The following CCDC181 variants were observed in gnomAD, a reference collection of about 807,000 sequenced individuals.
CCDC181 encodes coiled-coil domain-containing protein 181.
A neutral mutation model predicts 58.7 loss-of-function variants in CCDC181; 35 were observed. The observed-to-expected ratio is 0.60, with a 90% CI of 0.46 to 0.79. CCDC181 has a LOEUF of 0.79. CCDC181 is among the 30% of genes least tolerant of loss of function. The pLI is 0.00. For missense variants in CCDC181, 517 were observed against 583.9 expected, an observed-to-expected ratio of 0.89 and a Z score of 1.18; for synonymous variants, 183 against 197.5, an observed-to-expected ratio of 0.93 and a Z score of 0.62.
In CCDC181 at chr1:169,421,865, A is replaced by C. The variant is rs182655659; in HGVS notation, c.566T>G (p.Leu189Ter). ...TTGTCCAAAATCATTGGAAATACAT[A>C]ATTGTGACAGTTTCCCAAACATATT... ...ERNMFGKLSQ[L>*]CISNDFGQED... Residue 189 changes from leucine (L) to a stop codon, truncating the protein, a stop_gained, in exon 3 of 6, where the codon TTA (leucine) becomes TGA (stop). Coordinates refer to ENST00000367806, the MANE Select transcript of CCDC181 (RefSeq NM_001300969.2). LOFTEE classifies it high-confidence loss of function. 5.0e-5 allele frequency: 80 copies of C among 1,613,874 alleles called. No homozygotes were observed. The highest frequency in any genetic ancestry group is 6.5e-5 in the Non-Finnish European group (77 of 1,179,924).
At chr1:169,440,799 T>G (rs147267873) in intron 2 of CCDC181, among the ~76,000 whole-genome samples, 112 of 151,816 alleles carry the variant, frequency 7.4e-4, no homozygotes, top group African/African-American at 2.6e-3. Context: ...CCAGGCATGG[T>G]GGAGCACACC....
chr1:169,450,091 T>C (rs1384096493), intron 2 of CCDC181, among the ~76,000 whole-genome samples: 2 of 152,190 alleles, frequency 1.3e-5, no homozygotes, highest in African/African-American at 4.8e-5. Flanking sequence ...TTCAATTTTT[T>C]AGTTGGCCTG....
intron 1 of CCDC181, 141 bp from the exon 2 acceptor site, chr1:169,425,091 A>T (rs191718604): frequency 2.4e-6 from 1 of 425,390 alleles, no homozygotes; most frequent in Non-Finnish European, 4.3e-6. Flanking sequence ...ACTTGAATAC[A>T]CCATGAAAGA....
chr1:169,454,123 T>G (rs1220909997), intron 2 of CCDC181, among the ~76,000 whole-genome samples: 1 of 152,078 alleles, frequency 6.6e-6, no homozygotes. Flanking sequence ...AAGGCTATTT[T>G]TGCGGTAGTC....
intron 4 of CCDC181, among the ~76,000 whole-genome samples, chr1:169,405,551 C>T (rs975936821): frequency 6.6e-5 from 10 of 152,072 alleles, no homozygotes; most frequent in Non-Finnish European, 1.2e-4. Context: ...AAACAAGAAA[C>T]GGCGGAAGGA....
At chr1:169,434,024 A>G (rs1253609676) in intron 2 of CCDC181, among the ~76,000 whole-genome samples, 1 of 152,070 alleles carries the variant, frequency 6.6e-6, no homozygotes, top group Non-Finnish European at 1.5e-5. Flanking sequence ...TTCGCAAATG[A>G]TATATCTAAT....
intron 4 of CCDC181, among the ~76,000 whole-genome samples, chr1:169,407,260 C>T (rs1655715672): frequency 1.3e-5 from 2 of 151,980 alleles, no homozygotes; most frequent in South Asian, 2.1e-4. Flanking sequence ...ATTATATACA[C>T]CAGAACAATG....
intron 2 of CCDC181, among the ~76,000 whole-genome samples, chr1:169,448,187 T>A (rs1657433655): frequency 6.6e-6 from 1 of 152,142 alleles, no homozygotes; most frequent in African/African-American, 2.4e-5. Flanking sequence ...ATGCTAGATA[T>A]TGTTTCTATT....
intron 2 of CCDC181, among the ~76,000 whole-genome samples, chr1:169,435,199 T>C (rs1472728342): frequency 6.6e-6 from 1 of 152,000 alleles, no homozygotes; most frequent in Non-Finnish European, 1.5e-5. Context: ...AACATAAATA[T>C]TATGTTATGA....
intron 4 of CCDC181, among the ~76,000 whole-genome samples, chr1:169,416,387 C>T (rs1025245110): frequency 1.3e-5 from 2 of 152,062 alleles, no homozygotes; most frequent in East Asian, 3.9e-4. Context: ...TGTTTTTTTC[C>T]GATAGGAGCC....
At chr1:169,455,259 C>A (rs1657652850) in intron 2 of CCDC181, among the ~76,000 whole-genome samples, 1 of 151,790 alleles carries the variant, frequency 6.6e-6, no homozygotes, top group African/African-American at 2.4e-5. Flanking sequence ...TCAATCAGTA[C>A]ATAGCCATTA....
At chr1:169,452,058 A>G (rs1046961985) in intron 2 of CCDC181, among the ~76,000 whole-genome samples, 1 of 152,122 alleles carries the variant, frequency 6.6e-6, no homozygotes, top group Middle Eastern at 3.2e-3. Context: ...GACATGGTTC[A>G]TAAAGCCATG....
In CCDC181 at chr1:169,421,897, G is replaced by C. The variant is rs80127542; in HGVS notation, c.534C>G (p.Asn178Lys). The change falls in exon 3 of 6, where the codon AAC (asparagine) becomes AAG (lysine). Residue 178 changes from asparagine (N) to lysine (K), a missense_variant. Asn to Lys is a moderately conservative substitution (Grantham distance 94). Transcript: ENST00000367806. ...DTTTFKNYFE[N>K]ERNMFGKLSQ... Reference sequence around the variant, plus strand: ...ACAGTTTCCCAAACATATTCCTTTCGTTTTCAAAATAATTTTTAAAAGTAG... The same window carrying C: ...ACAGTTTCCCAAACATATTCCTTTCCTTTTCAAAATAATTTTTAAAAGTAG... 125 of 1,613,658 alleles carry C rather than the reference G, an allele frequency of 7.7e-5. 2 individuals carry two copies. The Middle Eastern group carries it at 1.2e-3, about 15-fold the overall frequency.
At chr1:169,446,014 T>G (rs1657363325) in intron 2 of CCDC181, among the ~76,000 whole-genome samples, 1 of 152,178 alleles carries the variant, frequency 6.6e-6, no homozygotes, top group Non-Finnish European at 1.5e-5. Context: ...TGGCTTGAAG[T>G]TTATTGATTT....
chr1:169,404,463 T>C (rs1474652873), intron 4 of CCDC181, among the ~76,000 whole-genome samples: 4 of 152,174 alleles, frequency 2.6e-5, no homozygotes, highest in Non-Finnish European at 4.4e-5. Flanking sequence ...TTATCCACCA[T>C]GATCAAGTGG....
At chr1:169,445,044 C>G (rs1387282999) in intron 2 of CCDC181, among the ~76,000 whole-genome samples, 2 of 152,196 alleles carry the variant, frequency 1.3e-5, no homozygotes, top group African/African-American at 4.8e-5. Flanking sequence ...CTACCACTTT[C>G]CAGTTCATTC....
chr1:169,422,391 T>G, intron 2 of CCDC181, 78 bp from the exon 3 acceptor site: 2 of 1,044,674 alleles, frequency 1.9e-6, no homozygotes, highest in Non-Finnish European at 2.7e-6. Flanking sequence ...TTTTTCCTGT[T>G]CATGTAATTT....
chr1:169,418,768 C>T (rs974019671), intron 4 of CCDC181: 4 of 473,252 alleles, frequency 8.5e-6, no homozygotes, highest in Middle Eastern at 5.4e-4. Flanking sequence ...CTTGAAAAAA[C>T]GAATTGATAG....
chr1:169,400,234 C>A (rs1477181455), intron 4 of CCDC181, among the ~76,000 whole-genome samples: 1 of 152,132 alleles, frequency 6.6e-6, no homozygotes, highest in Non-Finnish European at 1.5e-5. Context: ...GGGTCATGTC[C>A]TAGAGTAAGG....
Sources: allele counts gnomAD v4.1 joint callset (sites outside exome capture counted in the v4.1 genomes callset), GRCh38; gene constraint gnomAD v4.1.1; transcripts MANE v1.5; gene names NCBI Gene and HGNC (gene_info 2026-07-23, HGNC 2026-07-21).